Variants in CSMD2 observed in about 807,000 individuals in gnomAD.
The protein encoded by CSMD2 is CUB and sushi domain-containing protein 2.
In CSMD2, 130 loss-of-function variants were observed where a neutral mutation model predicts 398.5. The observed-to-expected ratio is 0.33, with a 90% CI of 0.28 to 0.38. The LOEUF is 0.38. Ranked by LOEUF, CSMD2 falls within the 10% of genes least tolerant of loss-of-function variation. The probability of loss-of-function intolerance (pLI) is 1.00; values close to 1 mark genes in which losing one functional copy is unlikely to be tolerated. For missense variants in CSMD2, 3,829 were observed against 4,764.9 expected, an observed-to-expected ratio of 0.80 and a Z score of 5.78; for synonymous variants, 1,828 against 1,908.5, an observed-to-expected ratio of 0.96 and a Z score of 1.10.
At chr1:33,787,984 C>T (rs1653739485) in intron 12 of CSMD2, among the ~76,000 whole-genome samples, 1 of 152,124 alleles carries the variant, frequency 6.6e-6, no homozygotes, top group South Asian at 2.1e-4. Context: ...AGCTATTGTC[C>T]TCTCTAAAGA....
intron 41 of CSMD2, among the ~76,000 whole-genome samples, chr1:33,606,822 A>G (rs1191824857): frequency 2.0e-5 from 3 of 152,204 alleles, no homozygotes; most frequent in African/African-American, 7.2e-5. Flanking sequence ...GCTCTTCAAA[A>G]AGACAGAAAC....
In CSMD2 at chr1:34,063,091, G is replaced by A. The variant is rs574953143; in HGVS notation, c.404+25886C>T. ...CCACAAGAACAGTATGGGGGAAACC[G>A]CCCCCGTGATTCAAATTACCTCCCA... On this transcript the variant is annotated intron_variant, in intron 2 of 70. Coordinates refer to ENST00000373381, the MANE Select transcript of CSMD2 (RefSeq NM_001281956.2). Among the ~76,000 whole-genome samples the A allele has an allele frequency of 2.6e-5, 4 of 152,116 alleles. No homozygotes were observed. The East Asian group carries it at 5.8e-4, about 22-fold the overall frequency.
In CSMD2 at chr1:33,574,433, C is replaced by T. The variant is rs899135435; in HGVS notation, c.7577-1742G>A. 5.9e-5 allele frequency among the ~76,000 whole-genome samples: 9 copies of T among 152,130 alleles called. No individual in the cohort carries two copies. The South Asian group carries it at 1.9e-3, about 32-fold the overall frequency. Reference sequence around the variant, plus strand: ...ATAAATCATCCTTGCTCTTTGACAGCTCAGGGGGTATTACAGATGGAAAGA... The same window carrying T: ...ATAAATCATCCTTGCTCTTTGACAGTTCAGGGGGTATTACAGATGGAAAGA... On this transcript the variant is annotated intron_variant, in intron 49 of 70. Coordinates refer to ENST00000373381, the MANE Select transcript of CSMD2 (RefSeq NM_001281956.2).
At chr1:33,934,997 C>T (rs1296263549) in intron 4 of CSMD2, among the ~76,000 whole-genome samples, 1 of 137,800 alleles carries the variant, frequency 7.3e-6, no homozygotes, top group African/African-American at 2.8e-5. Context: ...GAGGAAGATC[C>T]TGTCTCAAAT....
rs368038508 is a variant in CSMD2 at position 33,880,469 on chromosome 1, A to C, written c.921-33473T>G. ...ACTCACAGATTCAGCACTTGGACAGAGCTAGGATTTTTGAGCTAATGTGTA... is the reference window on the plus strand; with the variant it reads ...ACTCACAGATTCAGCACTTGGACAGCGCTAGGATTTTTGAGCTAATGTGTA... On this transcript the variant is annotated intron_variant, in intron 5 of 70. Transcript: ENST00000373381. 1.1e-4 allele frequency among the ~76,000 whole-genome samples: 16 copies of C among 152,336 alleles called. 1 individual carries two copies. Among genetic ancestry groups the C allele is most frequent in the African/African-American group, 3.6e-4 (15 of 41,592 alleles).
intron 14 of CSMD2, among the ~76,000 whole-genome samples, chr1:33,742,428 G>A (rs577638624): frequency 6.6e-6 from 1 of 152,336 alleles, no homozygotes; most frequent in East Asian, 1.9e-4. Context: ...CTCTGGGAAA[G>A]GATCTAGTTA....
At chr1:33,781,746 T>C (rs1652794907) in intron 12 of CSMD2, among the ~76,000 whole-genome samples, 1 of 152,228 alleles carries the variant, frequency 6.6e-6, no homozygotes, top group South Asian at 2.1e-4. Flanking sequence ...TTCTGGTAAG[T>C]GCTAATTGCC....
At chr1:33,921,739 T>C (rs539282880) in intron 4 of CSMD2, among the ~76,000 whole-genome samples, 108 of 152,318 alleles carry the variant, frequency 7.1e-4, no homozygotes, top group Non-Finnish European at 1.0e-3. Flanking sequence ...GTTTGGACTT[T>C]CCTCTGCAGG....
chr1:33,871,823 G>T (rs1409916418), intron 5 of CSMD2, among the ~76,000 whole-genome samples: 1 of 152,146 alleles, frequency 6.6e-6, no homozygotes, highest in Non-Finnish European at 1.5e-5. Flanking sequence ...CACCGTGTTT[G>T]CCAGGCTGGG....
At chr1:33,674,758 C>T (rs1644641544) in intron 25 of CSMD2, among the ~76,000 whole-genome samples, 3 of 152,220 alleles carry the variant, frequency 2.0e-5, no homozygotes. Context: ...AACAAACTAT[C>T]TCTCAGACCA....
chr1:33,794,739 C>A (rs189681343), intron 10 of CSMD2, among the ~76,000 whole-genome samples: 1 of 152,122 alleles, frequency 6.6e-6, no homozygotes, highest in African/African-American at 2.4e-5. Flanking sequence ...GAGTCCAATT[C>A]GCAGCAAGGT....
At chr1:33,875,357 A>T (rs1640764159) in intron 5 of CSMD2, 1 of 152,204 alleles carries the variant, frequency 6.6e-6, no homozygotes, top group Non-Finnish European at 1.5e-5. Flanking sequence ...GAGGAAGGGT[A>T]TTTCTTATAA....
chr1:33,857,427 T>C (rs1639178443), intron 5 of CSMD2, among the ~76,000 whole-genome samples: 2 of 151,978 alleles, frequency 1.3e-5, no homozygotes, highest in South Asian at 4.2e-4. Flanking sequence ...AGCTAAACCA[T>C]AGGAAGAGTA....
intron 25 of CSMD2, among the ~76,000 whole-genome samples, chr1:33,691,268 G>C (rs554804502): frequency 6.6e-6 from 1 of 152,302 alleles, no homozygotes; most frequent in Admixed American, 6.5e-5. Context: ...TTTATTCTGT[G>C]AGCGTGGGGT....
chr1:33,964,742 A>G (rs1051965483), intron 3 of CSMD2, among the ~76,000 whole-genome samples: 1 of 152,000 alleles, frequency 6.6e-6, no homozygotes, highest in Non-Finnish European at 1.5e-5. Flanking sequence ...TCCTGGCCCT[A>G]GATGGTTGAG....
rs1454924623 is a variant in CSMD2, at chr1:33,635,367, G to T, written c.4970-37C>A. 3 of 1,294,476 alleles carry T rather than the reference G, an allele frequency of 2.3e-6. No individual in the cohort carries two copies. Among genetic ancestry groups the T allele is most frequent in the Admixed American group, 1.7e-5 (1 of 58,586 alleles). The allele number at this position is 1,294,476 out of a possible 1,614,324, so 80.2% of individuals were successfully genotyped here. On this transcript the variant is annotated intron_variant, in intron 30 of 70. Coordinates refer to ENST00000373381, the MANE Select transcript of CSMD2 (RefSeq NM_001281956.2). The surrounding 1 kb of genome is among the most constrained non-coding windows in gnomAD (Gnocchi z 5.0). ...ACCAGATAGAGAGTCAGGTGACCTT[G>T]TGGGCCTCTTACCAGTGACCATCCT...
chr1:33,788,544 A>T, intron 12 of CSMD2, 56 bp downstream of exon 12: 2 of 935,170 alleles, frequency 2.1e-6, no homozygotes, highest in Admixed American at 3.9e-5. Flanking sequence ...CTGCAAATCC[A>T]GACCCCGTCT....
intron 3 of CSMD2, among the ~76,000 whole-genome samples, chr1:33,940,033 TG>T (rs1255489998): frequency 1.1e-4 from 16 of 152,356 alleles, no homozygotes; most frequent in Admixed American, 1.3e-4. Context: ...CTCACAGTTA[TG>T]AAGGCTAGAA....
intron 57 of CSMD2, among the ~76,000 whole-genome samples, chr1:33,544,072 C>T (rs1302606649): frequency 6.6e-6 from 1 of 150,586 alleles, no homozygotes; most frequent in African/African-American, 2.4e-5. Context: ...GTGGAATCCT[C>T]GCTGGAGTGA....
Sources: gnomAD v4.1 joint callset for allele counts (sites outside exome capture counted in the v4.1 genomes callset) on GRCh38, gnomAD v4.1.1 for gene constraint, Gnocchi (gnomAD v3.1) non-coding constraint, MANE v1.5 for transcripts, NCBI Gene and HGNC (gene_info 2026-07-23, HGNC 2026-07-21) for gene names.